Variants in RIC3 observed in about 807,000 individuals in gnomAD.
The protein encoded by RIC3 is RIC3 acetylcholine receptor chaperone.
RIC3 carries 28 observed loss-of-function variants against 27.3 expected under a neutral mutation model. The observed-to-expected ratio is 1.02, with a 90% CI of 0.76 to 1.41. RIC3 has a LOEUF of 1.41. Among genes scored for constraint, RIC3 ranks in the 40% most tolerant of loss-of-function variants. The pLI, the probability that RIC3 is intolerant of heterozygous loss-of-function variation, is 0.00. For missense variants in RIC3, 501 were observed against 444.7 expected (o/e 1.13, Z -1.14); for synonymous variants, 184 against 160.4 (o/e 1.15, Z -1.11).
At chr11:8,152,215 G>A (rs966349290) in intron 1 of RIC3, among the ~76,000 whole-genome samples, 2 of 152,128 alleles carry the variant, frequency 1.3e-5, no homozygotes, top group Non-Finnish European at 2.9e-5. Flanking sequence ...AAACATAGAG[G>A]ACCATGTGAC....
rs199614685 is a variant in RIC3 at position 8,131,605 on chromosome 11, CAA to C, written c.522-4800_522-4799del. On this transcript the variant is annotated intron_variant, in intron 4 of 5. Transcript: ENST00000309737. ...CCACAAAAACATACAAATGCTTAAT[CAA>C]AAGTGAATAGGGGCCAGGTGCGGTG... Among the ~76,000 whole-genome samples the C allele has an allele frequency of 6.5e-3, 983 of 152,036 alleles. 22 individuals carry two copies. Among genetic ancestry groups the C allele is most frequent in the Admixed American group, 0.051 (782 of 15,252 alleles).
chr11:8,121,476 G>T (rs1199495010), intron 5 of RIC3, among the ~76,000 whole-genome samples: 3 of 152,076 alleles, frequency 2.0e-5, no homozygotes, highest in Non-Finnish European at 2.9e-5. Context: ...AGCACTTTGG[G>T]AGGTTGTGGT....
chr11:8,147,813 C>T (rs574360097), intron 1 of RIC3, among the ~76,000 whole-genome samples: 9 of 151,136 alleles, frequency 6.0e-5, no homozygotes, highest in African/African-American at 1.7e-4. Flanking sequence ...TTGCAACCTC[C>T]GACTCCCTGG....
intron 5 of RIC3, among the ~76,000 whole-genome samples, chr11:8,112,284 C>A (rs1364304642): frequency 9.6e-5 from 13 of 135,988 alleles, no homozygotes; most frequent in South Asian, 2.5e-4. Flanking sequence ...CTTTTCTTTT[C>A]TTTTCTTTTC....
At chr11:8,125,909 G>C (rs556657718) in intron 5 of RIC3, among the ~76,000 whole-genome samples, 15 of 152,210 alleles carry the variant, frequency 9.9e-5, no homozygotes, top group Middle Eastern at 3.4e-3. Flanking sequence ...TGTGGTGCCA[G>C]GCACCTGTAA....
chr11:8,118,908 A>G (rs1441906941), intron 5 of RIC3, among the ~76,000 whole-genome samples: 2 of 151,984 alleles, frequency 1.3e-5, no homozygotes, highest in African/African-American at 4.8e-5. Context: ...TGAAATGGAC[A>G]TGGCTGAAAA....
At chr11:8,155,218 T>TA (rs61400460) in intron 1 of RIC3, among the ~76,000 whole-genome samples, 27,762 of 120,896 alleles carry the variant, frequency 0.23, 4,132 homozygotes, top group African/African-American at 0.44. Flanking sequence ...GACCCCATCT[T>TA]AAAAAAAAAA....
intron 1 of RIC3, among the ~76,000 whole-genome samples, chr11:8,163,480 G>C (rs1951382386): frequency 6.6e-6 from 1 of 151,020 alleles, no homozygotes. Flanking sequence ...AAGGCATTCA[G>C]ATTAAAAAAA....
At chr11:8,149,377 G>C (rs935072294) in intron 1 of RIC3, among the ~76,000 whole-genome samples, 22 of 152,116 alleles carry the variant, frequency 1.4e-4, no homozygotes, top group Non-Finnish European at 1.9e-4. Flanking sequence ...AAATTAGTTT[G>C]GCTCCATTTA....
In RIC3 at chr11:8,126,794, C is replaced by A; in HGVS notation, c.535G>T (p.Val179Leu). The A allele has an allele frequency of 6.2e-7, 1 of 1,614,086 alleles. No homozygotes were observed. Among genetic ancestry groups the A allele is most frequent in the Non-Finnish European group, 8.5e-7 (1 of 1,180,014 alleles). The change falls in exon 5 of 6, where the codon GTG becomes TTG. Residue 179 changes from valine (V) to leucine (L), a missense_variant. Transcript: ENST00000309737. ...GPNGESRAQT[V>L]TSDQEKRLLH... Reference sequence around the variant, plus strand: ...AACCGTTTCTCTTGGTCAGAAGTCACAGTCTGTGCTCTGCTTAGAAATATC... The same window carrying A: ...AACCGTTTCTCTTGGTCAGAAGTCAAAGTCTGTGCTCTGCTTAGAAATATC...
In RIC3 at chr11:8,137,620, G is replaced by A. The variant is rs140463616; in HGVS notation, c.428-149C>T. ...CCGCAGTTTTATTAAAGGATTCTGT[G>A]AATATTTAAGATTTCCAAAAAGGAT... On this transcript the variant is annotated intron_variant, in intron 3 of 5. Transcript: ENST00000309737. 6.1e-3 allele frequency: 3,238 copies of A among 527,094 alleles called. 10 individuals are homozygous for A. The highest frequency in any genetic ancestry group is 8.9e-3 in the Non-Finnish European group (2,685 of 303,196). The allele number at this position is 527,094 out of a possible 1,614,324, so 32.7% of individuals were successfully genotyped here.
intron 3 of RIC3, 52 bp from the exon 4 acceptor site, chr11:8,137,523 G>T: frequency 6.8e-7 from 1 of 1,465,720 alleles, no homozygotes. Flanking sequence ...CCCTAAACCT[G>T]TTAAAGAGAC....
At chr11:8,095,086 T>G in the RIC3 span, among the ~76,000 whole-genome samples, 1 of 152,220 alleles carries the variant, frequency 6.6e-6, no homozygotes, top group Non-Finnish European at 1.5e-5. Context: ...GTGTATGTTG[T>G]GTCTGTTTGT....
intron 1 of RIC3, among the ~76,000 whole-genome samples, chr11:8,159,399 AT>A (rs1209916346): frequency 6.6e-6 from 1 of 152,190 alleles, no homozygotes; most frequent in East Asian, 1.9e-4. Flanking sequence ...CTTTTGGGTC[AT>A]GTATAGACTA....
chr11:8,115,977 C>T (rs1945822025), intron 5 of RIC3, among the ~76,000 whole-genome samples: 1 of 152,204 alleles, frequency 6.6e-6, no homozygotes, highest in South Asian at 2.1e-4. Flanking sequence ...AGAGGCATCA[C>T]AGTACCTGAT....
rs1471670369 is a variant in RIC3, at chr11:8,110,809, G to T, written c.999C>A (p.Thr333=). The change falls in exon 6 of 6, where the codon ACC becomes ACA. Residue 333 remains threonine, a synonymous_variant. Coordinates refer to ENST00000309737, the MANE Select transcript of RIC3 (RefSeq NM_001206671.4). ...AGTCTTGGGACCACTCTTCTTTGGT[G>T]GTTTCCTCTTGCTCAGGGTAGCTAT... The part of the protein sequence containing the change: ...SADSYPEQEE[T]TKEEWSQDFK... 5 of 1,614,060 alleles carry T rather than the reference G, an allele frequency of 3.1e-6. No individual in the cohort carries two copies. The highest frequency in any genetic ancestry group is 4.2e-6 in the Non-Finnish European group (5 of 1,180,036).
chr11:8,141,295 C>T (rs1190188366), intron 1 of RIC3, among the ~76,000 whole-genome samples: 14 of 151,878 alleles, frequency 9.2e-5, no homozygotes, highest in African/African-American at 3.4e-4. Flanking sequence ...ATCTCACGTG[C>T]AGAGACACAC....
Position 8,107,625 on chromosome 11 carries a change from TA to T in RIC3, c.*3072del, listed in dbSNP as rs1486342374. On this transcript the variant is annotated 3_prime_UTR_variant, in exon 6 of 6. Coordinates refer to ENST00000309737, the MANE Select transcript of RIC3 (RefSeq NM_001206671.4). ...TATGGTTCTCAAAGGCCGTTGATTC[TA>T]CAGGCCAAATACACCTCCACTCCTC... is the stretch of plus-strand genomic sequence containing the variant. 1 of 152,186 alleles carries T rather than the reference TA, an allele frequency of 6.6e-6. No homozygotes were observed. The highest frequency in any genetic ancestry group is 1.9e-4 in the East Asian group (1 of 5,198). The allele number at this position is 152,186 out of a possible 1,614,324, so 9.4% of individuals were successfully genotyped here. A position where few individuals can be genotyped will look rare whatever the true frequency, so the allele number is the denominator to read the frequency against.
At chr11:8,095,835 C>CT in the RIC3 span, among the ~76,000 whole-genome samples, 1 of 152,234 alleles carries the variant, frequency 6.6e-6, no homozygotes, top group Non-Finnish European at 1.5e-5. Context: ...AGGGCCCCTG[C>CT]TAAGGCCCCA....
Sources: allele counts gnomAD v4.1 joint callset (sites outside exome capture counted in the v4.1 genomes callset), GRCh38; gene constraint gnomAD v4.1.1; transcripts MANE v1.5; gene names NCBI Gene and HGNC (gene_info 2026-07-23, HGNC 2026-07-21).